MYH15: variants seen among roughly 807,000 people sequenced by gnomAD.
MYH15 encodes myosin-15.
In MYH15, 227 loss-of-function variants were observed where a neutral mutation model predicts 240.5. The observed-to-expected ratio is 0.94, with a 90% confidence interval of 0.85 to 1.05. The LOEUF (loss-of-function observed/expected upper bound fraction) is 1.05, where lower values mean the gene tolerates loss of function less well. Among genes scored for constraint, MYH15 ranks in the 50% least tolerant of loss-of-function variants. The pLI is 0.00. For synonymous variants in MYH15, 785 were observed against 796.7 expected, an observed-to-expected ratio of 0.99 and a Z score of 0.25; for missense variants, 2,217 against 2,247.5, an observed-to-expected ratio of 0.99 and a Z score of 0.27.
intron 25 of MYH15, among the ~76,000 whole-genome samples, chr3:108,437,018 T>C (rs959506269): frequency 3.3e-5 from 5 of 152,126 alleles, no homozygotes; most frequent in African/African-American, 1.2e-4. Flanking sequence ...CCAGATGAAT[T>C]GAAAGTTTCC....
At chr3:108,487,875 G>A (rs1284431908) in intron 9 of MYH15, among the ~76,000 whole-genome samples, 1 of 152,028 alleles carries the variant, frequency 6.6e-6, no homozygotes, top group African/African-American at 2.4e-5. Flanking sequence ...TCCAGCAGAA[G>A]GTGAATATGT....
chr3:108,470,930 C>G, intron 12 of MYH15, 83 bp from the exon 13 acceptor site: 14 of 1,408,680 alleles, frequency 9.9e-6, no homozygotes, highest in Non-Finnish European at 1.4e-5. Context: ...CAACTGCCTT[C>G]TAGTCAAATT....
Position 108,441,086 on chromosome 3 carries a change from T to A in MYH15, c.2830A>T (p.Lys944Ter). ...KLEDECFELK[K>*]EIDDLETMLV... The stretch of plus-strand genomic sequence containing the variant: ...ATTGTTTCCAGGTCATCGATTTCTT[T>A]CTTCAACTCAAAACATTCATCTTCG... Residue 944 changes from lysine (K) to a stop codon, truncating the protein, a stop_gained, in exon 23 of 41, where the codon AAA (lysine) becomes TAA (stop). Coordinates refer to ENST00000693548, the MANE Select transcript of MYH15 (RefSeq NM_014981.3). LOFTEE classifies it high-confidence loss of function. 6.2e-7 allele frequency: 1 copy of A among 1,614,202 alleles called. No homozygotes were observed. The highest frequency in any genetic ancestry group is 1.3e-5 in the African/African-American group (1 of 75,060).
In MYH15 at chr3:108,408,036, C is replaced by G. The variant is rs376142650; in HGVS notation, c.4620+244G>C. Among the ~76,000 whole-genome samples the G allele has an allele frequency of 2.4e-4, 36 of 152,320 alleles. 1 individual carries two copies. Among genetic ancestry groups the G allele is most frequent in the East Asian group, 2.3e-3 (12 of 5,174 alleles). ...AGATAGATAGTTCCTGTTTTTACTA[C>G]AATCAGGAGATTTGCATTCACTGTT... is the stretch of plus-strand genomic sequence containing the variant. On this transcript the variant is annotated intron_variant, in intron 32 of 40. Coordinates refer to ENST00000693548, the MANE Select transcript of MYH15 (RefSeq NM_014981.3).
At chr3:108,435,277 T>C (rs78906906) in intron 25 of MYH15, among the ~76,000 whole-genome samples, 2 of 152,238 alleles carry the variant, frequency 1.3e-5, no homozygotes, top group East Asian at 3.8e-4. Context: ...CTAAGAATTA[T>C]TGACTGTATT....
chr3:108,438,795 C>A (rs765584664), intron 24 of MYH15, among the ~76,000 whole-genome samples: 3 of 152,078 alleles, frequency 2.0e-5, no homozygotes, highest in Non-Finnish European at 4.4e-5. Context: ...TATTTATTTG[C>A]CACCCAGTTT....
intron 28 of MYH15, among the ~76,000 whole-genome samples, chr3:108,417,790 T>C (rs1262903541): frequency 5.9e-5 from 5 of 84,612 alleles, no homozygotes; most frequent in African/African-American, 1.5e-4. Flanking sequence ...GGTATGTATA[T>C]ATATATACAC....
intron 38 of MYH15, among the ~76,000 whole-genome samples, chr3:108,388,048 A>T (rs1263715881): frequency 1.3e-5 from 2 of 152,178 alleles, no homozygotes; most frequent in Non-Finnish European, 2.9e-5. Flanking sequence ...TTGCCTTTGT[A>T]TTGGAATAAG....
chr3:108,478,592 G>A (rs1428992674), intron 11 of MYH15, among the ~76,000 whole-genome samples: 1 of 94,772 alleles, frequency 1.1e-5, no homozygotes, highest in Non-Finnish European at 2.4e-5. Context: ...TTAAAAGACG[G>A]GAAGAAATAC....
intron 22 of MYH15, among the ~76,000 whole-genome samples, chr3:108,441,680 G>T (rs2082886250): frequency 1.3e-5 from 2 of 152,168 alleles, no homozygotes; most frequent in African/African-American, 2.4e-5. Context: ...TCTGAATATT[G>T]CACTGTAACT....
At chr3:108,419,628 G>T (rs1003812949) in intron 28 of MYH15, among the ~76,000 whole-genome samples, 16 of 152,288 alleles carry the variant, frequency 1.1e-4, no homozygotes, top group African/African-American at 3.1e-4. Context: ...GCAAGGCCAG[G>T]TGTCACACAC....
At chr3:108,497,986 C>T in intron 6 of MYH15, 66 bp downstream of exon 6, 1 of 1,426,562 alleles carries the variant, frequency 7.0e-7, no homozygotes, top group Non-Finnish European at 9.9e-7. Context: ...GTGGTCCGGA[C>T]ACAACCTCCA....
chr3:108,508,153 C>T (rs1348898358), intron 1 of MYH15, among the ~76,000 whole-genome samples: 2 of 152,168 alleles, frequency 1.3e-5, no homozygotes, highest in African/African-American at 4.8e-5. Flanking sequence ...AGCCTGCCTC[C>T]TCTAACACAT....
At chr3:108,453,777 G>A (rs2082995605) in intron 21 of MYH15, among the ~76,000 whole-genome samples, 1 of 152,198 alleles carries the variant, frequency 6.6e-6, no homozygotes, top group South Asian at 2.1e-4. Context: ...TCAAAGGGAA[G>A]CCTGAAAGCA....
At chr3:108,491,711 C>T (rs1167112339) in intron 9 of MYH15, among the ~76,000 whole-genome samples, 1 of 152,176 alleles carries the variant, frequency 6.6e-6, no homozygotes, top group Admixed American at 6.5e-5. Context: ...CCCCCCACAA[C>T]ACACTTGCTC....
intron 30 of MYH15, among the ~76,000 whole-genome samples, chr3:108,412,554 GCAAACT>G (rs1179242443): frequency 2.0e-5 from 3 of 152,158 alleles, no homozygotes; most frequent in African/African-American, 7.2e-5. Flanking sequence ...AACATCCAGG[GCAAACT>G]GGACAAACTG....
chr3:108,459,039 T>A (rs1576246190), intron 18 of MYH15, among the ~76,000 whole-genome samples: 1 of 152,136 alleles, frequency 6.6e-6, no homozygotes, highest in East Asian at 1.9e-4. Context: ...TCAATTCCAT[T>A]TTTATTATAG....
upstream of MYH15, among the ~76,000 whole-genome samples, chr3:108,533,062 G>A (rs182962211): frequency 3.5e-4 from 52 of 147,660 alleles, no homozygotes; most frequent in Non-Finnish European, 6.1e-4. Flanking sequence ...CTCAAATTAC[G>A]TCTTTTGTGA....
chr3:108,408,416 G>A lies in MYH15; in HGVS notation c.4496-12C>T, dbSNP rs370115446. Reference sequence around the variant, plus strand: ...ATTAGAAATCTCTTCTGGAGACAGAGGTAAGAAAAACAAAGTTAGTGAATG... The same window carrying A: ...ATTAGAAATCTCTTCTGGAGACAGAAGTAAGAAAAACAAAGTTAGTGAATG... On this transcript the variant is annotated splice_polypyrimidine_tract_variant and intron_variant, in intron 31 of 40. Transcript: ENST00000693548. 2 of 1,600,354 alleles carry A rather than the reference G, an allele frequency of 1.2e-6. No individual in the cohort carries two copies. The highest frequency in any genetic ancestry group is 1.7e-6 in the Non-Finnish European group (2 of 1,176,238).
Sources: gnomAD v4.1 joint callset for allele counts (sites outside exome capture counted in the v4.1 genomes callset) on GRCh38, gnomAD v4.1.1 for gene constraint, MANE v1.5 for transcripts, NCBI Gene and HGNC (gene_info 2026-07-23, HGNC 2026-07-21) for gene names.